The following MAML3 variants were observed in gnomAD, a reference collection of about 807,000 sequenced individuals.
MAML3 encodes mastermind like transcriptional coactivator 3, also known as mastermind-like protein 3.
Under a neutral mutation model 101.9 loss-of-function variants are expected in MAML3, and 27 were observed. The ratio of observed to expected loss-of-function variants is 0.27; its 90% CI spans 0.20 to 0.37. The LOEUF is 0.37. Among genes scored for constraint, MAML3 ranks in the 10% least tolerant of loss-of-function variants. The pLI is 1.00. For missense variants in MAML3, 1,316 were observed against 1,444.9 expected (o/e 0.91, Z 1.45); for synonymous variants, 501 against 555.9 (o/e 0.90, Z 1.39).
chr4:140,065,330 A>ATT (rs1239412435), intron 1 of MAML3, among the ~76,000 whole-genome samples: 9 of 151,460 alleles, frequency 5.9e-5, no homozygotes, highest in African/African-American at 1.9e-4. Context: ...GTAGAAGCCG[A>ATT]TCTCTCTAGT....
chr4:140,149,124 C>A (rs940258274), intron 1 of MAML3, among the ~76,000 whole-genome samples: 1 of 152,126 alleles, frequency 6.6e-6, no homozygotes, highest in Non-Finnish European at 1.5e-5. Flanking sequence ...ATAAACAATG[C>A]CCCCTTTTGT....
rs1200894327 is a variant in MAML3 at position 139,719,570 on chromosome 4, C to T, written c.3170G>A (p.Gly1057Asp). The T allele has an allele frequency of 1.2e-6, 2 of 1,613,530 alleles. No individual in the cohort carries two copies. Among genetic ancestry groups the T allele is most frequent in the Admixed American group, 1.7e-5 (1 of 59,974 alleles). The stretch of plus-strand genomic sequence containing the variant: ...TGGGGGCTGGCTGAACGCTGGCATG[C>T]CTGGGACTCCCTGGCTCAGGCCAGA... ...VMSGLSQGVP[G>D]MPAFSQPPAQ... The change falls in exon 5 of 5, where the codon GGC becomes GAC. Residue 1057 changes from glycine (G) to aspartate (D), a missense_variant. Physicochemically the swap from Gly to Asp is moderately conservative, Grantham distance 94 (BLOSUM62 -1). Transcript: ENST00000509479.
intron 2 of MAML3, among the ~76,000 whole-genome samples, chr4:139,754,866 A>T (rs1044613104): frequency 3.9e-5 from 6 of 152,260 alleles, no homozygotes; most frequent in African/African-American, 1.4e-4. Context: ...GTTTATTTAT[A>T]ACATGTAGTC....
intron 1 of MAML3, among the ~76,000 whole-genome samples, chr4:139,941,864 T>C (rs191240184): frequency 2.0e-4 from 30 of 152,320 alleles, no homozygotes; most frequent in African/African-American, 6.7e-4. Flanking sequence ...CCGGTCACGA[T>C]GGCTCACACC....
In MAML3 at chr4:139,835,630, A is replaced by G. The variant is rs17050923; in HGVS notation, c.2079+53727T>C. On this transcript the variant is annotated intron_variant, in intron 2 of 4. Coordinates refer to ENST00000509479, the MANE Select transcript of MAML3 (RefSeq NM_018717.5). ...CTAATTTGACTTCTCCAATTTATCA[A>G]CGGGGACCTGCCCTATTTTTACTCG... Among the ~76,000 whole-genome samples, 779 of 152,316 alleles carry G rather than the reference A, an allele frequency of 5.1e-3. 10 individuals carry two copies. Among genetic ancestry groups the G allele is most frequent in the East Asian group, 0.045 (233 of 5,186 alleles).
intron 1 of MAML3, among the ~76,000 whole-genome samples, chr4:139,954,472 G>A (rs1191505004): frequency 6.6e-6 from 1 of 152,184 alleles, no homozygotes; most frequent in African/African-American, 2.4e-5. Context: ...CAGGGAGTCC[G>A]CATCAGTGGG....
At chr4:139,989,180 T>G (rs1432870456) in intron 1 of MAML3, among the ~76,000 whole-genome samples, 1 of 152,020 alleles carries the variant, frequency 6.6e-6, no homozygotes, top group Non-Finnish European at 1.5e-5. Context: ...ATACAAAGCT[T>G]CCAGAACTAC....
chr4:139,834,649 C>A (rs1468565938), intron 2 of MAML3, among the ~76,000 whole-genome samples: 2 of 152,220 alleles, frequency 1.3e-5, no homozygotes, highest in Non-Finnish European at 2.9e-5. Context: ...TCACACACAC[C>A]TGCCCAATCC....
intron 1 of MAML3, among the ~76,000 whole-genome samples, chr4:139,931,533 T>C (rs1733393578): frequency 6.6e-6 from 1 of 152,210 alleles, no homozygotes; most frequent in African/African-American, 2.4e-5. Context: ...TTCTGGATCG[T>C]ATCCTCTAAT....
intron 1 of MAML3, among the ~76,000 whole-genome samples, chr4:140,071,285 C>T (rs1387571794): frequency 6.6e-6 from 1 of 152,172 alleles, no homozygotes; most frequent in Non-Finnish European, 1.5e-5. Flanking sequence ...TGCATGGCTG[C>T]CCAGAACTTG....
intron 2 of MAML3, among the ~76,000 whole-genome samples, chr4:139,737,995 G>A (rs573947852): frequency 1.3e-5 from 2 of 152,256 alleles, no homozygotes; most frequent in African/African-American, 4.8e-5. Flanking sequence ...GGGGCCCAAT[G>A]CGAAGGCTGC....
At chr4:139,887,396 G>C (rs1321471351) in intron 2 of MAML3, among the ~76,000 whole-genome samples, 1 of 152,244 alleles carries the variant, frequency 6.6e-6, no homozygotes, top group Non-Finnish European at 1.5e-5. Context: ...TACTTCGTGA[G>C]ACGAGAGAAG....
intron 2 of MAML3, among the ~76,000 whole-genome samples, chr4:139,884,818 T>A (rs1732294609): frequency 6.6e-6 from 1 of 152,210 alleles, no homozygotes; most frequent in Admixed American, 6.5e-5. Flanking sequence ...GTAATCATAT[T>A]TTTGACCCAA....
intron 1 of MAML3, among the ~76,000 whole-genome samples, chr4:140,090,986 G>A (rs1447129156): frequency 1.3e-5 from 2 of 152,148 alleles, no homozygotes; most frequent in African/African-American, 4.8e-5. Flanking sequence ...GGAGGCGGAG[G>A]TTGCAGTAAG....
intron 1 of MAML3, among the ~76,000 whole-genome samples, chr4:140,148,371 CATAAT>C (rs1332314752): frequency 1.3e-5 from 2 of 152,120 alleles, no homozygotes; most frequent in Non-Finnish European, 2.9e-5. Context: ...AACCAAATAA[CATAAT>C]AGAATTAAAC....
At chr4:140,025,768 T>A (rs1726811731) in intron 1 of MAML3, among the ~76,000 whole-genome samples, 1 of 152,210 alleles carries the variant, frequency 6.6e-6, no homozygotes, top group African/African-American at 2.4e-5. Flanking sequence ...AGTGTCCTTC[T>A]ACCCAATGCT....
chr4:140,132,363 G>C (rs548329907), intron 1 of MAML3, among the ~76,000 whole-genome samples: 1 of 152,268 alleles, frequency 6.6e-6, no homozygotes. Flanking sequence ...AATATAACTG[G>C]TCCCTCATAG....
chr4:139,914,846 G>A (rs186039026), intron 1 of MAML3, among the ~76,000 whole-genome samples: 7 of 152,310 alleles, frequency 4.6e-5, no homozygotes, highest in African/African-American at 1.7e-4. Context: ...CAGCTCCACT[G>A]GAGACTTTGA....
chr4:139,719,782 G>A lies in MAML3; in HGVS notation c.2958C>T (p.Ala986=). 6.2e-7 allele frequency: 1 copy of A among 1,613,674 alleles called. No individual in the cohort carries two copies. Among genetic ancestry groups the A allele is most frequent in the Non-Finnish European group, 8.5e-7 (1 of 1,179,894 alleles). The part of the protein sequence containing the change: ...SGELGPFNNG[A]SYPLQAGQPR... Reference sequence around the variant, plus strand: ...GCTGCCCAGCTTGAAGAGGGTAGCTGGCGCCATTGTTGAATGGTCCCAATT... The same window carrying A: ...GCTGCCCAGCTTGAAGAGGGTAGCTAGCGCCATTGTTGAATGGTCCCAATT... Residue 986 remains alanine, a synonymous_variant, in exon 5 of 5, where the codon GCC becomes GCT. Coordinates refer to ENST00000509479, the MANE Select transcript of MAML3 (RefSeq NM_018717.5).
Sources: allele counts gnomAD v4.1 joint callset (sites outside exome capture counted in the v4.1 genomes callset), GRCh38; gene constraint gnomAD v4.1.1; transcripts MANE v1.5; gene names NCBI Gene and HGNC (gene_info 2026-07-23, HGNC 2026-07-21).